Variants in MBNL1 observed in about 807,000 individuals in gnomAD.
MBNL1 encodes the protein muscleblind-like protein 1.
Under a neutral mutation model 42.2 loss-of-function variants are expected in MBNL1, and 8 were observed. The observed-to-expected ratio is 0.19, with a 90% CI of 0.11 to 0.34. The LOEUF (loss-of-function observed/expected upper bound fraction) is 0.34. Ranked by LOEUF, MBNL1 falls within the 10% of genes least tolerant of loss-of-function variation. MBNL1 has a pLI of 1.00. For missense variants in MBNL1, 309 were observed against 495.3 expected, an observed-to-expected ratio of 0.62 and a Z score of 3.57; for synonymous variants, 169 against 173.9, an observed-to-expected ratio of 0.97 and a Z score of 0.22.
At chr3:152,403,326 G>C (rs1232996590) in intron 2 of MBNL1, among the ~76,000 whole-genome samples, 1 of 152,138 alleles carries the variant, frequency 6.6e-6, no homozygotes, top group African/African-American at 2.4e-5. Flanking sequence ...TTAGAACAGA[G>C]CACCTTGTGA....
chr3:152,316,947 T>C (rs910103346), intron 2 of MBNL1, among the ~76,000 whole-genome samples: 1 of 152,138 alleles, frequency 6.6e-6, no homozygotes, highest in African/African-American at 2.4e-5. Context: ...AAAATAACCT[T>C]CTCACCTGCT....
intron 1 of MBNL1, among the ~76,000 whole-genome samples, chr3:152,297,254 GT>G (rs1023006189): frequency 0.025 from 2,497 of 101,524 alleles, 39 homozygotes; most frequent in African/African-American, 0.066. Flanking sequence ...CTGGACCTTT[GT>G]TTTTTTTTTT....
intron 1 of MBNL1, among the ~76,000 whole-genome samples, chr3:152,272,713 C>T (rs965684240): frequency 3.3e-5 from 5 of 152,020 alleles, no homozygotes; most frequent in Non-Finnish European, 7.4e-5. Context: ...GTGTTTCTAA[C>T]GTAACATTAT....
chr3:152,354,114 G>T (rs541526044), intron 2 of MBNL1, among the ~76,000 whole-genome samples: 3 of 152,154 alleles, frequency 2.0e-5, no homozygotes, highest in Admixed American at 6.5e-5. Flanking sequence ...TCACCAGTCT[G>T]TGTTACATGA....
intron 2 of MBNL1, among the ~76,000 whole-genome samples, chr3:152,325,083 A>ACCCAC (rs532514721): frequency 4.6e-4 from 12 of 26,024 alleles, no homozygotes; most frequent in African/African-American, 1.8e-3. Flanking sequence ...AATGCCACAT[A>ACCCAC]CCCGCCCCCC....
upstream of MBNL1, chr3:152,268,630 G>C: frequency 2.5e-6 from 1 of 407,476 alleles, no homozygotes. Context: ...ACGGGAGGCC[G>C]AGGGGATCCA....
chr3:152,304,407 C>T (rs2061996789), intron 2 of MBNL1, among the ~76,000 whole-genome samples: 1 of 152,138 alleles, frequency 6.6e-6, no homozygotes. Context: ...CACTGATAAT[C>T]CTGATAAAAT....
At chr3:152,458,239 G>A (rs759349640) in intron 8 of MBNL1, 1 of 1,549,132 alleles carries the variant, frequency 6.5e-7, no homozygotes, top group South Asian at 1.1e-5. Context: ...CGTGCCATTT[G>A]CCAATGCTGT....
chr3:152,402,430 T>A (rs1342200860), intron 2 of MBNL1, among the ~76,000 whole-genome samples: 5 of 152,252 alleles, frequency 3.3e-5, no homozygotes, highest in African/African-American at 1.2e-4. Flanking sequence ...AAGTTGGGAT[T>A]TGAACAAGCA....
chr3:152,269,527 A>G (rs946487566), intron 1 of MBNL1: 54 of 455,466 alleles, frequency 1.2e-4, no homozygotes, highest in Middle Eastern at 6.5e-4. Flanking sequence ...CGGGGCTGCC[A>G]TCCCGCCCGG....
At chr3:152,307,717 T>C (rs1161529719) in intron 2 of MBNL1, among the ~76,000 whole-genome samples, 2 of 152,258 alleles carry the variant, frequency 1.3e-5, no homozygotes, top group Admixed American at 6.5e-5. Context: ...TGTTTTGTTA[T>C]GTTTGCTGGA....
At chr3:152,354,202 T>C (rs1037963806) in intron 2 of MBNL1, among the ~76,000 whole-genome samples, 6 of 152,202 alleles carry the variant, frequency 3.9e-5, no homozygotes, top group Non-Finnish European at 8.8e-5. Context: ...TATTAAAATA[T>C]TACGTACCTT....
At chr3:152,369,549 CT>C (rs917079943) in intron 2 of MBNL1, among the ~76,000 whole-genome samples, 3 of 152,062 alleles carry the variant, frequency 2.0e-5, no homozygotes, top group African/African-American at 7.2e-5. Flanking sequence ...AGGAGTCCCT[CT>C]TTTTATATTG....
At chr3:152,445,158 T>G (rs1283717177) in intron 4 of MBNL1, 124 bp from the exon 5 acceptor site, 1 of 763,286 alleles carries the variant, frequency 1.3e-6, no homozygotes, top group Non-Finnish European at 2.1e-6. Context: ...TTGCCTTGTT[T>G]GAAAATCATT....
Position 152,430,494 on chromosome 3 carries a change from T to C in MBNL1, c.346-2223T>C, listed in dbSNP as rs940156362. 3.3e-5 allele frequency among the ~76,000 whole-genome samples: 5 copies of C among 152,226 alleles called. 1 individual carries two copies. Among genetic ancestry groups the C allele is most frequent in the Admixed American group, 2.6e-4 (4 of 15,282 alleles). ...CCCCTGACATAGACTCTTTTAGTCT[T>C]CTATGCTAAATTTCTTATAATTCTT... On this transcript the variant is annotated intron_variant, in intron 3 of 9. Coordinates refer to ENST00000324210, the MANE Select transcript of MBNL1 (RefSeq NM_021038.5).
chr3:152,446,166 A>G (rs892336252), intron 5 of MBNL1, among the ~76,000 whole-genome samples: 3 of 152,192 alleles, frequency 2.0e-5, no homozygotes, highest in African/African-American at 7.2e-5. Flanking sequence ...AAGAATAGCT[A>G]CTAAACTATA....
upstream of MBNL1, chr3:152,267,845 C>T (rs1287380294): frequency 3.3e-5 from 5 of 152,266 alleles, no homozygotes; most frequent in East Asian, 9.6e-4. Context: ...TCAACAAAAC[C>T]GAACCTGCAG....
At chr3:152,371,427 A>G (rs914574773) in intron 2 of MBNL1, among the ~76,000 whole-genome samples, 2 of 152,148 alleles carry the variant, frequency 1.3e-5, no homozygotes, top group Non-Finnish European at 2.9e-5. Flanking sequence ...GGAAAACTCC[A>G]TCTCTACTAA....
At chr3:152,277,761 TTTTA>T (rs2046137935) in intron 1 of MBNL1, among the ~76,000 whole-genome samples, 1 of 152,150 alleles carries the variant, frequency 6.6e-6, no homozygotes, top group Non-Finnish European at 1.5e-5. Flanking sequence ...ATAGATTATG[TTTTA>T]TTTAATATAC....
Sources: gnomAD v4.1 joint callset for allele counts (sites outside exome capture counted in the v4.1 genomes callset) on GRCh38, gnomAD v4.1.1 for gene constraint, MANE v1.5 for transcripts, NCBI Gene and HGNC (gene_info 2026-07-23, HGNC 2026-07-21) for gene names.